SAMMSON: variants seen among roughly 807,000 people sequenced by gnomAD.
SAMMSON encodes the protein survival associated mitochondrial melanoma specific oncogenic non-coding RNA, also known as long intergenic non-protein coding RNA 1212.
intron 3 of SAMMSON, among the ~76,000 whole-genome samples, chr3:70,026,502 A>G (rs1453553423): frequency 6.6e-6 from 1 of 152,222 alleles, no homozygotes; most frequent in African/African-American, 2.4e-5. Flanking sequence ...GTACTGCTTT[A>G]GATGACAGAC....
At chr3:70,143,586 C>A (rs576981844) in intron 4 of SAMMSON, among the ~76,000 whole-genome samples, 4 of 152,108 alleles carry the variant, frequency 2.6e-5, no homozygotes. Flanking sequence ...TTGGGTTTGG[C>A]CAATGGGGGT....
At chr3:70,366,789 A>T (rs754353204) in intron 9 of SAMMSON, among the ~76,000 whole-genome samples, 1 of 151,494 alleles carries the variant, frequency 6.6e-6, no homozygotes, top group East Asian at 1.9e-4. Flanking sequence ...TTTCATTCCC[A>T]TGAGTAATAT....
At chr3:70,334,727 A>G (rs1273609255) in intron 7 of SAMMSON, among the ~76,000 whole-genome samples, 5 of 152,094 alleles carry the variant, frequency 3.3e-5, no homozygotes, top group Admixed American at 3.3e-4. Context: ...GAAGAAGCTG[A>G]AAATTGAAAA....
At chr3:70,402,091 C>T (rs1488546861) in intron 2 of SAMMSON, among the ~76,000 whole-genome samples, 1 of 152,070 alleles carries the variant, frequency 6.6e-6, no homozygotes, top group Non-Finnish European at 1.5e-5. Context: ...CAGTATTGTC[C>T]ATAGTCTCAA....
intron 4 of SAMMSON, among the ~76,000 whole-genome samples, chr3:70,248,897 T>A (rs1034559188): frequency 6.6e-6 from 1 of 152,156 alleles, no homozygotes; most frequent in African/African-American, 2.4e-5. Context: ...ATGGTAAATC[T>A]ACTTACCAGG....
intron 4 of SAMMSON, among the ~76,000 whole-genome samples, chr3:70,184,675 A>G (rs1701078952): frequency 6.6e-6 from 1 of 152,258 alleles, no homozygotes; most frequent in African/African-American, 2.4e-5. Context: ...TAAAGCAGTA[A>G]GGTAAATCAG....
intron 3 of SAMMSON, among the ~76,000 whole-genome samples, chr3:70,016,786 C>G (rs925291357): frequency 1.8e-4 from 27 of 152,180 alleles, no homozygotes; most frequent in South Asian, 1.2e-3. Flanking sequence ...AAGAGATCCA[C>G]TTTCAGCTTT....
At chr3:70,219,726 A>G (rs1337500301) in intron 4 of SAMMSON, among the ~76,000 whole-genome samples, 1 of 152,180 alleles carries the variant, frequency 6.6e-6, no homozygotes, top group Non-Finnish European at 1.5e-5. Flanking sequence ...ACTGCAGAAA[A>G]TATCATTAGT....
intron 2 of SAMMSON, among the ~76,000 whole-genome samples, chr3:70,422,429 T>C (rs1454206780): frequency 2.0e-5 from 3 of 152,086 alleles, no homozygotes; most frequent in African/African-American, 4.8e-5. Flanking sequence ...TACTTGTCTC[T>C]GATTTAAAAA....
chr3:70,403,785 A>G (rs532763497), intron 2 of SAMMSON, among the ~76,000 whole-genome samples: 16 of 152,162 alleles, frequency 1.1e-4, no homozygotes, highest in Non-Finnish European at 2.2e-4. Flanking sequence ...ACAGATATAG[A>G]TATAAAGTTA....
chr3:70,126,217 C>CT, intron 4 of SAMMSON: 4 of 1,037,104 alleles, frequency 3.9e-6, no homozygotes, highest in Non-Finnish European at 5.7e-6. Flanking sequence ...ATAACCAATT[C>CT]TTTCTTTTCT....
chr3:70,295,804 G>A (rs1480659316), intron 7 of SAMMSON, among the ~76,000 whole-genome samples: 1 of 152,170 alleles, frequency 6.6e-6, no homozygotes, highest in African/African-American at 2.4e-5. Flanking sequence ...AGGCAAAGAT[G>A]TTGCATTTTG....
chr3:70,002,665 T>C (rs889230488), intron 1 of SAMMSON, among the ~76,000 whole-genome samples: 1 of 152,204 alleles, frequency 6.6e-6, no homozygotes, highest in Non-Finnish European at 1.5e-5. Flanking sequence ...GTACTGTATA[T>C]GGATTTTCTA....
At chr3:70,289,160 G>A (rs1411035063) in intron 6 of SAMMSON, among the ~76,000 whole-genome samples, 1 of 150,742 alleles carries the variant, frequency 6.6e-6, no homozygotes, top group Non-Finnish European at 1.5e-5. Context: ...AGTCTCGATG[G>A]TCTTTACATT....
At chr3:70,239,517 T>A (rs1360217462) in intron 4 of SAMMSON, among the ~76,000 whole-genome samples, 2 of 131,544 alleles carry the variant, frequency 1.5e-5, no homozygotes, top group African/African-American at 4.9e-5. Context: ...ACAAAGCCAA[T>A]CACTTTCTAG....
intron 3 of SAMMSON, among the ~76,000 whole-genome samples, chr3:70,029,848 A>G (rs565409346): frequency 6.6e-6 from 1 of 152,036 alleles, no homozygotes; most frequent in Non-Finnish European, 1.5e-5. Flanking sequence ...AATAGGAAGA[A>G]TTGGTTGAAA....
chr3:70,394,226 G>A (rs1375549204), downstream of SAMMSON, among the ~76,000 whole-genome samples: 1 of 152,180 alleles, frequency 6.6e-6, no homozygotes, highest in Non-Finnish European at 1.5e-5. Flanking sequence ...ATTATCGTGT[G>A]AGAGAAATGC....
intron 6 of SAMMSON, among the ~76,000 whole-genome samples, chr3:70,274,097 G>A (rs1053858376): frequency 2.0e-5 from 3 of 151,198 alleles, no homozygotes; most frequent in South Asian, 2.1e-4. Context: ...GTGTGCGCGC[G>A]CGCATGTGTG....
At position 70,017,988 on chromosome 3, in the gene SAMMSON, G is replaced by C. The variant is rs181867827; in HGVS notation, n.417+4316G>C. On this transcript the variant is annotated intron_variant and non_coding_transcript_variant, in intron 3 of 9. Coordinates refer to ENST00000642114, the Ensembl canonical transcript of SAMMSON. ...ATGTGTTGCTGGATTTGGTTTGCCA[G>C]TATTTTATTGAGGATTTTTGCATCG... Among the ~76,000 whole-genome samples the C allele has an allele frequency of 3.5e-3, 530 of 152,224 alleles. 2 individuals carry two copies. The highest frequency in any genetic ancestry group is 5.7e-3 in the Non-Finnish European group (387 of 68,024).
Sources: allele counts gnomAD v4.1 joint callset (sites outside exome capture counted in the v4.1 genomes callset), GRCh38; gene constraint gnomAD v4.1.1; transcripts MANE v1.5; gene names NCBI Gene and HGNC (gene_info 2026-07-23, HGNC 2026-07-21).